Variants in SOX5 observed in about 807,000 individuals in gnomAD.
The protein encoded by SOX5 is SRY-box transcription factor 5.
SOX5 carries 9 observed loss-of-function variants against 92.0 expected under a neutral mutation model. The observed-to-expected ratio is 0.10, with a 90% CI of 0.06 to 0.17. The LOEUF (loss-of-function observed/expected upper bound fraction) is 0.17. SOX5 is among the 10% of genes least tolerant of loss of function. SOX5 has a pLI of 1.00. For synonymous variants in SOX5, 344 were observed against 336.3 expected, an observed-to-expected ratio of 1.02 and a Z score of -0.25; for missense variants, 642 against 944.5, an observed-to-expected ratio of 0.68 and a Z score of 4.20.
intron 4 of SOX5, among the ~76,000 whole-genome samples, chr12:23,973,851 C>T (rs191300034): frequency 2.0e-5 from 3 of 152,188 alleles, no homozygotes; most frequent in East Asian, 1.9e-4. Context: ...ACTGCACATG[C>T]GAGGGATCTA....
intron 4 of SOX5, among the ~76,000 whole-genome samples, chr12:24,093,877 A>C (rs1269592718): frequency 6.6e-5 from 10 of 152,104 alleles, no homozygotes; most frequent in Admixed American, 6.6e-4. Context: ...CTTCACATTC[A>C]CCAACACTTG....
intron 1 of SOX5, among the ~76,000 whole-genome samples, chr12:24,378,218 T>C (rs1301807255): frequency 6.6e-6 from 1 of 152,248 alleles, no homozygotes; most frequent in African/African-American, 2.4e-5. Context: ...TATCCAGGGA[T>C]ACTTTTCAAA....
intron 4 of SOX5, among the ~76,000 whole-genome samples, chr12:24,135,816 G>A (rs1247999064): frequency 6.6e-6 from 1 of 152,144 alleles, no homozygotes; most frequent in East Asian, 1.9e-4. Flanking sequence ...TGGAAATCAA[G>A]ATGTGGATGT....
intron 6 of SOX5, among the ~76,000 whole-genome samples, chr12:23,721,958 A>C (rs1197180187): frequency 6.6e-6 from 1 of 152,210 alleles, no homozygotes; most frequent in African/African-American, 2.4e-5. Context: ...CAGTTATTTA[A>C]ATAGAGAGCA....
At chr12:24,310,846 AT>A (rs527792235) in intron 2 of SOX5, among the ~76,000 whole-genome samples, 1 of 151,228 alleles carries the variant, frequency 6.6e-6, no homozygotes, top group South Asian at 2.1e-4. Flanking sequence ...AGTGTTTTCA[AT>A]TTTTTTGTTT....
chr12:23,686,198 T>C (rs78662825), intron 6 of SOX5, among the ~76,000 whole-genome samples: 3,713 of 152,248 alleles, frequency 0.024, 160 homozygotes, highest in African/African-American at 0.084. Context: ...TATAACTCAA[T>C]TTACTGCAAA....
chr12:24,404,520 C>T (rs1335675959), intron 1 of SOX5, among the ~76,000 whole-genome samples: 1 of 152,202 alleles, frequency 6.6e-6, no homozygotes, highest in African/African-American at 2.4e-5. Context: ...CATGTGATGG[C>T]ACCACCTGAT....
intron 3 of SOX5, among the ~76,000 whole-genome samples, chr12:23,784,402 C>T (rs1471478899): frequency 1.3e-5 from 2 of 152,150 alleles, no homozygotes; most frequent in Non-Finnish European, 2.9e-5. Flanking sequence ...TCTCTGCTCA[C>T]TGCAGGTTCC....
At chr12:24,087,019 A>G (rs1944075712) in intron 4 of SOX5, among the ~76,000 whole-genome samples, 1 of 152,114 alleles carries the variant, frequency 6.6e-6, no homozygotes, top group South Asian at 2.1e-4. Flanking sequence ...CACAAAACTT[A>G]GAGTGACCTT....
chr12:24,078,043 T>G lies in SOX5; in HGVS notation c.-2+135300A>C, dbSNP rs768509875. Among the ~76,000 whole-genome samples, 842 of 151,988 alleles carry G rather than the reference T, an allele frequency of 5.5e-3. 4 individuals carry two copies. Among genetic ancestry groups the G allele is most frequent in the East Asian group, 0.02 (103 of 5,158 alleles). ...AATTTATATTTAAAAAGCATAACTT[T>G]TACCTTTATAATATGTACACAGATG... On this transcript the variant is annotated intron_variant, in intron 4 of 4. Coordinates refer to the SOX5 transcript ENST00000446891.
chr12:23,627,948 A>G (rs888378884), intron 8 of SOX5, among the ~76,000 whole-genome samples: 1 of 151,844 alleles, frequency 6.6e-6, no homozygotes, highest in Non-Finnish European at 1.5e-5. Flanking sequence ...CAAAAACTTG[A>G]TATTTTATGG....
intron 1 of SOX5, among the ~76,000 whole-genome samples, chr12:24,526,994 G>C (rs1950770609): frequency 6.6e-6 from 1 of 151,718 alleles, no homozygotes; most frequent in Non-Finnish European, 1.5e-5. Context: ...GTCTCTGTAT[G>C]GTGCCTAGTC....
intron 2 of SOX5, among the ~76,000 whole-genome samples, chr12:23,875,611 C>G (rs1371084207): frequency 6.6e-6 from 1 of 151,988 alleles, no homozygotes; most frequent in Admixed American, 6.6e-5. Context: ...CAGGAAGAAA[C>G]CTGATAATAT....
intron 2 of SOX5, among the ~76,000 whole-genome samples, chr12:23,885,377 A>T (rs1425995003): frequency 6.6e-6 from 1 of 152,126 alleles, no homozygotes; most frequent in East Asian, 1.9e-4. Context: ...CTCCATTTTA[A>T]TGTTTTTATT....
intron 2 of SOX5, among the ~76,000 whole-genome samples, chr12:24,283,538 C>G (rs141740255): frequency 0.013 from 1,924 of 152,292 alleles, 29 homozygotes; most frequent in Middle Eastern, 0.031. Context: ...CTTGAAAAGA[C>G]TTTAGAGTTT....
intron 8 of SOX5, among the ~76,000 whole-genome samples, chr12:23,637,419 C>A (rs376809084): frequency 6.6e-6 from 1 of 152,178 alleles, no homozygotes; most frequent in East Asian, 1.9e-4. Flanking sequence ...TACTAGACAG[C>A]ACCCATACCA....
upstream of SOX5, among the ~76,000 whole-genome samples, chr12:23,950,649 C>G (rs1435785160): frequency 1.3e-5 from 2 of 152,192 alleles, no homozygotes; most frequent in Non-Finnish European, 2.9e-5. Context: ...GAAGCGCCCC[C>G]CTGGCTGTGG....
At chr12:24,425,683 T>G (rs1966649013) in intron 1 of SOX5, among the ~76,000 whole-genome samples, 1 of 152,212 alleles carries the variant, frequency 6.6e-6, no homozygotes, top group South Asian at 2.1e-4. Flanking sequence ...TAGTAAGGCT[T>G]TTACTGGAAT....
chr12:24,166,909 T>G (rs1161493402), intron 4 of SOX5, among the ~76,000 whole-genome samples: 2 of 152,172 alleles, frequency 1.3e-5, no homozygotes, highest in East Asian at 3.8e-4. Flanking sequence ...TACTTGGAAC[T>G]GGAATGATTC....
Sources: allele counts gnomAD v4.1 joint callset (sites outside exome capture counted in the v4.1 genomes callset), GRCh38; gene constraint gnomAD v4.1.1; transcripts MANE v1.5; gene names NCBI Gene and HGNC (gene_info 2026-07-23, HGNC 2026-07-21).